Variants in ALMS1 observed in about 807,000 individuals in gnomAD.
ALMS1 encodes centrosome-associated protein ALMS1.
In ALMS1, 271 loss-of-function variants were observed where a neutral mutation model predicts 352.2. The observed-to-expected ratio is 0.77, with a 90% CI of 0.70 to 0.85. The LOEUF is 0.85. Ranked by LOEUF, ALMS1 falls within the 40% of genes least tolerant of loss-of-function variation. The pLI is 0.00. For missense variants in ALMS1, 5,445 were observed against 4,870.7 expected (o/e 1.12, Z -3.51); for synonymous variants, 1,865 against 1,761.2 (o/e 1.06, Z -1.48).
intron 1 of ALMS1, among the ~76,000 whole-genome samples, chr2:73,403,865 A>G (rs920342311): frequency 1.3e-5 from 2 of 151,934 alleles, no homozygotes; most frequent in Non-Finnish European, 2.9e-5. Context: ...ACTGATTTTC[A>G]TATATTGATT....
At chr2:73,576,132 G>A (rs558558246) in intron 16 of ALMS1, among the ~76,000 whole-genome samples, 5 of 152,196 alleles carry the variant, frequency 3.3e-5, no homozygotes, top group Non-Finnish European at 5.9e-5. Context: ...AGCCATATAC[G>A]TGAGGGTTTT....
Position 73,599,322 on chromosome 2 carries a change from C to T in ALMS1, c.11548-79C>T. On this transcript the variant is annotated intron_variant, in intron 16 of 22. Transcript: ENST00000613296. Reference sequence around the variant, plus strand: ...AGTTTGAATTGGATTAGAAAGAGGACTTGTTGGCTTGCTTATCCTGTGGAT... The same window carrying T: ...AGTTTGAATTGGATTAGAAAGAGGATTTGTTGGCTTGCTTATCCTGTGGAT... The T allele has an allele frequency of 7.7e-6, 12 of 1,567,306 alleles. No individual in the cohort carries two copies. In the African/African-American group the frequency reaches 9.4e-5, roughly 12 times the overall value.
chr2:73,390,961 G>A (rs941713792), intron 1 of ALMS1, among the ~76,000 whole-genome samples: 1 of 151,854 alleles, frequency 6.6e-6, no homozygotes, highest in African/African-American at 2.4e-5. Flanking sequence ...AGTAGAGATG[G>A]GGTTTCACCA....
At chr2:73,578,681 A>G (rs1240349463) in intron 16 of ALMS1, among the ~76,000 whole-genome samples, 2 of 152,150 alleles carry the variant, frequency 1.3e-5, no homozygotes, top group Non-Finnish European at 2.9e-5. Flanking sequence ...ATAATACACA[A>G]AAACTGTGGG....
At chr2:73,466,143 C>T (rs576193683) in intron 9 of ALMS1, among the ~76,000 whole-genome samples, 6 of 152,042 alleles carry the variant, frequency 3.9e-5, no homozygotes, top group Non-Finnish European at 7.4e-5. Flanking sequence ...GGTATATACC[C>T]AAAGGATTAT....
chr2:73,400,953 A>C (rs1162412250), intron 1 of ALMS1, among the ~76,000 whole-genome samples: 1 of 151,928 alleles, frequency 6.6e-6, no homozygotes, highest in African/African-American at 2.4e-5. Context: ...TGCCCGGCTA[A>C]TTTTTGCATT....
chr2:73,469,941 A>G (rs1234185987), intron 9 of ALMS1: 3 of 152,064 alleles, frequency 2.0e-5, no homozygotes, highest in Non-Finnish European at 2.9e-5. Context: ...CTCCTGTGCC[A>G]TATAAACAGT....
At chr2:73,408,044 A>G (rs895845724) in intron 1 of ALMS1, among the ~76,000 whole-genome samples, 12 of 151,774 alleles carry the variant, frequency 7.9e-5, no homozygotes, top group African/African-American at 2.9e-4. Context: ...AGGAAATCTT[A>G]TATTGGAAGC....
At chr2:73,469,972 T>A (rs1162306923) in intron 9 of ALMS1, 1 of 151,814 alleles carries the variant, frequency 6.6e-6, no homozygotes, top group Middle Eastern at 3.2e-3. Context: ...TAACAAAAAC[T>A]TCCTAATTTA....
intron 21 of ALMS1, among the ~76,000 whole-genome samples, 169 bp from the exon 22 acceptor site, chr2:73,608,306 G>A (rs926465896): frequency 5.9e-5 from 9 of 152,102 alleles, no homozygotes; most frequent in East Asian, 1.9e-4. Flanking sequence ...TGTGAGCCCC[G>A]GGCTAGGGTT....
At chr2:73,484,854 C>T (rs924814873) in intron 9 of ALMS1, among the ~76,000 whole-genome samples, 1 of 152,182 alleles carries the variant, frequency 6.6e-6, no homozygotes. Flanking sequence ...CCCTTTCTTC[C>T]AGTTGATGGC....
chr2:73,429,112 G>A (rs888742990), intron 6 of ALMS1, among the ~76,000 whole-genome samples: 4 of 151,922 alleles, frequency 2.6e-5, no homozygotes, highest in Admixed American at 2.0e-4. Flanking sequence ...CTTATACATC[G>A]TACTATTAAA....
chr2:73,591,611 T>C (rs574054302), intron 16 of ALMS1, among the ~76,000 whole-genome samples: 52 of 152,314 alleles, frequency 3.4e-4, no homozygotes, highest in African/African-American at 1.3e-3. Flanking sequence ...AAACTTGAAG[T>C]TGGATCAGAT....
Position 73,490,613 on chromosome 2 carries a change from G to A in ALMS1, c.8654G>A (p.Arg2885Gln), listed in dbSNP as rs185447739. The A allele has an allele frequency of 3.7e-5, 60 of 1,614,104 alleles. No individual in the cohort carries two copies. The highest frequency in any genetic ancestry group is 1.2e-4 in the South Asian group (11 of 91,070). ...DLPSCIFLEQ[R>Q]ELFEQSKAPR... ...CCTTCTTGCATTTTTCTTGAACAAC[G>A]AGAGCTCTTTGAACAAAGCAAAGCC... is the stretch of plus-strand genomic sequence containing the variant. Residue 2885 changes from arginine to glutamine, a missense_variant, in exon 10 of 23, where the codon CGA becomes CAA. Coordinates refer to ENST00000613296, the MANE Select transcript of ALMS1 (RefSeq NM_001378454.1).
Position 73,422,910 on chromosome 2 carries a change from C to G in ALMS1, c.700C>G (p.Gln234Glu). ...TTTGCCTTTGCTGACCTGTTTGACA[C>G]AAGACCAAGAATTTGCGCCTGATTC... is the stretch of plus-strand genomic sequence containing the variant. Reference protein sequence around the residue: ...PDLPLLTCLTQDQEFAPDSLF... With the variant: ...PDLPLLTCLTEDQEFAPDSLF... Residue 234 changes from glutamine to glutamate, a missense_variant, in exon 4 of 23, where the codon CAA becomes GAA. Physicochemically the swap from Gln to Glu is conservative, Grantham distance 29 (BLOSUM62 2). Coordinates refer to ENST00000613296, the MANE Select transcript of ALMS1 (RefSeq NM_001378454.1). 1 of 1,613,734 alleles carries G rather than the reference C, an allele frequency of 6.2e-7. No homozygotes were observed. The highest frequency in any genetic ancestry group is 8.5e-7 in the Non-Finnish European group (1 of 1,179,712).
chr2:73,580,117 A>G (rs768324074), intron 16 of ALMS1, among the ~76,000 whole-genome samples: 5 of 152,054 alleles, frequency 3.3e-5, no homozygotes, highest in South Asian at 4.2e-4. Flanking sequence ...GTTTCACACT[A>G]TCCCAGACTG....
intron 10 of ALMS1, among the ~76,000 whole-genome samples, chr2:73,497,163 C>T (rs1234033112): frequency 6.6e-6 from 1 of 152,084 alleles, no homozygotes; most frequent in East Asian, 1.9e-4. Flanking sequence ...TCCATGGTTT[C>T]TGGCAAAAAA....
chr2:73,523,228 T>G (rs766069552), intron 11 of ALMS1, among the ~76,000 whole-genome samples: 4 of 152,298 alleles, frequency 2.6e-5, no homozygotes, highest in Non-Finnish European at 5.9e-5. Context: ...CATAACACTT[T>G]TCAGTAAATA....
At chr2:73,491,789 G>T (rs548145898) in intron 10 of ALMS1, among the ~76,000 whole-genome samples, 2 of 152,142 alleles carry the variant, frequency 1.3e-5, no homozygotes, top group Non-Finnish European at 2.9e-5. Flanking sequence ...ATACAATTAC[G>T]AATTTATTTA....
Sources: allele counts gnomAD v4.1 joint callset (sites outside exome capture counted in the v4.1 genomes callset), GRCh38; gene constraint gnomAD v4.1.1; transcripts MANE v1.5; gene names NCBI Gene and HGNC (gene_info 2026-07-23, HGNC 2026-07-21).